NELL1: variants seen among roughly 807,000 people sequenced by gnomAD.
NELL1 encodes the protein protein kinase C-binding protein NELL1.
A neutral mutation model predicts 107.4 loss-of-function variants in NELL1; 76 were observed. The ratio of observed to expected loss-of-function variants is 0.71; its 90% CI spans 0.59 to 0.86. The LOEUF (loss-of-function observed/expected upper bound fraction) is 0.86, where lower values mean the gene tolerates loss of function less well. Among genes scored for constraint, NELL1 ranks in the 40% least tolerant of loss-of-function variants. The pLI, the probability that NELL1 is intolerant of heterozygous loss-of-function variation, is 0.00. For missense variants in NELL1, 1,024 were observed against 1,005.5 expected, an observed-to-expected ratio of 1.02 and a Z score of -0.25; for synonymous variants, 353 against 341.2, an observed-to-expected ratio of 1.03 and a Z score of -0.38.
chr11:21,339,772 C>T (rs773527124), intron 14 of NELL1, among the ~76,000 whole-genome samples: 6 of 152,146 alleles, frequency 3.9e-5, no homozygotes, highest in Non-Finnish European at 5.9e-5. Flanking sequence ...GCTCAAGTGC[C>T]AGGCTTTAGG....
At position 20,871,977 on chromosome 11, in the gene NELL1, C is replaced by G. The variant is rs1365723391; in HGVS notation, c.507-13467C>G. Among the ~76,000 whole-genome samples, 4 of 133,150 alleles carry G rather than the reference C, an allele frequency of 3.0e-5. No homozygotes were observed. In the East Asian group the frequency reaches 1.0e-3, roughly 34 times the overall value. 87.4% of individuals were successfully genotyped at this position (133,150 alleles called of 152,430 possible). On this transcript the variant is annotated intron_variant, in intron 4 of 19. Transcript: ENST00000357134. The stretch of plus-strand genomic sequence containing the variant: ...GAGCTTGCAGTGAGCCAAGATCGTG[C>G]CACTGCATTCCAGCCTGGGCGACAG...
intron 15 of NELL1, among the ~76,000 whole-genome samples, chr11:21,426,919 G>A (rs1852836811): frequency 6.6e-6 from 1 of 152,110 alleles, no homozygotes; most frequent in South Asian, 2.1e-4. Context: ...GAGCTTATGG[G>A]AGAATCTGAA....
At chr11:21,147,486 GC>G (rs1856007157) in intron 13 of NELL1, among the ~76,000 whole-genome samples, 1 of 152,080 alleles carries the variant, frequency 6.6e-6, no homozygotes, top group African/African-American at 2.4e-5. Flanking sequence ...GATTTCCTGA[GC>G]CAGAACCCTC....
chr11:21,302,075 C>G (rs1590818388), intron 14 of NELL1, among the ~76,000 whole-genome samples: 4 of 152,136 alleles, frequency 2.6e-5, no homozygotes. Flanking sequence ...TTTTAGTTAT[C>G]TACTGCTACA....
chr11:21,039,792 T>C (rs893708117), intron 12 of NELL1, among the ~76,000 whole-genome samples: 6 of 152,156 alleles, frequency 3.9e-5, no homozygotes, highest in African/African-American at 1.4e-4. Flanking sequence ...AGGGTAGGAA[T>C]TCCCAAAGGC....
intron 14 of NELL1, among the ~76,000 whole-genome samples, chr11:21,278,259 T>C (rs1170686527): frequency 1.3e-5 from 2 of 152,160 alleles, no homozygotes; most frequent in Non-Finnish European, 2.9e-5. Flanking sequence ...TACCACTGTT[T>C]TTTTCTTAGC....
intron 14 of NELL1, among the ~76,000 whole-genome samples, chr11:21,236,461 C>G (rs1858209594): frequency 6.6e-6 from 1 of 152,086 alleles, no homozygotes; most frequent in Admixed American, 6.6e-5. Context: ...AATTGTGAAG[C>G]AAATTTTTAT....
intron 13 of NELL1, chr11:21,170,072 G>C: frequency 9.4e-7 from 1 of 1,060,224 alleles, no homozygotes; most frequent in East Asian, 2.4e-5. Context: ...CAGCCTCTTG[G>C]AGTCCAAGTT....
At chr11:20,961,493 A>C (rs1045210513) in intron 12 of NELL1, among the ~76,000 whole-genome samples, 14 of 152,310 alleles carry the variant, frequency 9.2e-5, no homozygotes, top group Admixed American at 9.2e-4. Flanking sequence ...TCTTCAATGA[A>C]TGCTGCAAAT....
chr11:21,536,414 A>C (rs35086137), intron 16 of NELL1, among the ~76,000 whole-genome samples: 7,504 of 152,276 alleles, frequency 0.049, 277 homozygotes, highest in Non-Finnish European at 0.081. Context: ...GGCTGGGATG[A>C]AACATGATGA....
intron 14 of NELL1, among the ~76,000 whole-genome samples, chr11:21,368,254 T>C (rs1851275309): frequency 6.6e-6 from 1 of 152,026 alleles, no homozygotes; most frequent in South Asian, 2.1e-4. Context: ...GGGAGAAATG[T>C]GACTAGTCTC....
intron 13 of NELL1, among the ~76,000 whole-genome samples, chr11:21,189,409 C>G (rs904568007): frequency 2.0e-5 from 3 of 151,720 alleles, no homozygotes; most frequent in African/African-American, 7.3e-5. Context: ...TATTAAGACT[C>G]CTACATTTAC....
intron 14 of NELL1, among the ~76,000 whole-genome samples, chr11:21,342,341 A>C (rs1009951783): frequency 1.9e-4 from 29 of 149,456 alleles, no homozygotes; most frequent in African/African-American, 6.9e-4. Context: ...GTTTATAGCA[A>C]TAGAAAGACT....
chr11:21,373,254 C>T (rs1176046248), intron 15 of NELL1, among the ~76,000 whole-genome samples: 1 of 151,960 alleles, frequency 6.6e-6, no homozygotes, highest in African/African-American at 2.4e-5. Flanking sequence ...AAATTATAGG[C>T]TAAACACTGA....
At chr11:21,141,364 G>C (rs1286770696) in intron 13 of NELL1, among the ~76,000 whole-genome samples, 2 of 152,152 alleles carry the variant, frequency 1.3e-5, no homozygotes, top group Non-Finnish European at 2.9e-5. Flanking sequence ...ATCTAGAGCT[G>C]GAAGATTTCT....
At chr11:21,071,073 A>G (rs1854002085) in intron 12 of NELL1, among the ~76,000 whole-genome samples, 2 of 152,124 alleles carry the variant, frequency 1.3e-5, no homozygotes. Context: ...CACCATAGCT[A>G]TGAGGTTAAG....
chr11:21,309,306 ATATATAAT>A (rs1456666243), intron 14 of NELL1, among the ~76,000 whole-genome samples: 4 of 135,880 alleles, frequency 2.9e-5, no homozygotes, highest in Non-Finnish European at 6.2e-5. Flanking sequence ...ATATGTATAT[ATATATAAT>A]ATATATATAT....
At chr11:20,948,783 A>C (rs1272284614) in intron 11 of NELL1, among the ~76,000 whole-genome samples, 3 of 151,618 alleles carry the variant, frequency 2.0e-5, no homozygotes, top group Non-Finnish European at 2.9e-5. Context: ...AAAAAAAAAA[A>C]AAAACAGTTA....
Position 21,199,260 on chromosome 11 carries a change from C to T in NELL1, c.1427-30072C>T, listed in dbSNP as rs182629144. 2.6e-5 allele frequency among the ~76,000 whole-genome samples: 4 copies of T among 152,250 alleles called. No individual in the cohort carries two copies. In the East Asian group the frequency reaches 7.7e-4, roughly 29 times the overall value. The stretch of plus-strand genomic sequence containing the variant: ...TTAAATCCATTGGGCTCCTAGCCAA[C>T]TCTGTAGGTAGACTCTGTTAGCAAC... On this transcript the variant is annotated intron_variant, in intron 13 of 19. Coordinates refer to ENST00000357134, the MANE Select transcript of NELL1 (RefSeq NM_006157.5).
Sources: gnomAD v4.1 joint callset for allele counts (sites outside exome capture counted in the v4.1 genomes callset) on GRCh38, gnomAD v4.1.1 for gene constraint, MANE v1.5 for transcripts, NCBI Gene and HGNC (gene_info 2026-07-23, HGNC 2026-07-21) for gene names.